Variants in DLGAP1 observed in about 807,000 individuals in gnomAD.
DLGAP1 encodes disks large-associated protein 1.
A neutral mutation model predicts 90.8 loss-of-function variants in DLGAP1; 11 were observed. The observed-to-expected ratio is 0.12, with a 90% CI of 0.08 to 0.20. The LOEUF (loss-of-function observed/expected upper bound fraction) is 0.20. Among genes scored for constraint, DLGAP1 ranks in the 10% least tolerant of loss-of-function variants. DLGAP1 has a pLI of 1.00. For missense variants in DLGAP1, 1,050 were observed against 1,333.8 expected (o/e 0.79, Z 3.31); for synonymous variants, 558 against 540.7 (o/e 1.03, Z -0.44).
chr18:4,322,475 A>C (rs2080715156), intron 1 of DLGAP1, among the ~76,000 whole-genome samples: 1 of 152,214 alleles, frequency 6.6e-6, no homozygotes, highest in Non-Finnish European at 1.5e-5. Flanking sequence ...CTTTATCACA[A>C]ACCATATATA....
chr18:3,924,964 T>C (rs67400798), intron 3 of DLGAP1, among the ~76,000 whole-genome samples: 9,745 of 152,242 alleles, frequency 0.064, 427 homozygotes, highest in Middle Eastern at 0.12. Flanking sequence ...TGTTGCATTT[T>C]TTTTTGGAGA....
At chr18:4,006,534 G>A (rs994631382) in intron 2 of DLGAP1, among the ~76,000 whole-genome samples, 45 of 152,112 alleles carry the variant, frequency 3.0e-4, no homozygotes, top group African/African-American at 1.1e-3. Flanking sequence ...AATTTTTGCA[G>A]TCACAGTTGG....
intron 1 of DLGAP1, among the ~76,000 whole-genome samples, chr18:4,213,020 C>T (rs2077879170): frequency 1.3e-5 from 2 of 152,074 alleles, no homozygotes; most frequent in South Asian, 4.2e-4. Context: ...CATATTAAAG[C>T]ATAATTATAG....
chr18:4,271,089 G>T (rs1296718183), intron 1 of DLGAP1, among the ~76,000 whole-genome samples: 2 of 152,084 alleles, frequency 1.3e-5, no homozygotes, highest in Non-Finnish European at 2.9e-5. Context: ...CTCTATAAAG[G>T]GGGAGTATTC....
intron 7 of DLGAP1, chr18:3,603,460 A>C (rs1240983756): frequency 6.6e-6 from 1 of 152,206 alleles, no homozygotes; most frequent in African/African-American, 2.4e-5. Context: ...CAGCCCGGCT[A>C]GACTCCCCTC....
intron 1 of DLGAP1, among the ~76,000 whole-genome samples, chr18:4,201,253 G>A (rs1607971): frequency 0.61 from 93,273 of 151,958 alleles, 29,977 homozygotes; most frequent in African/African-American, 0.79. Context: ...TCCTCCAGAA[G>A]TTTTTATGAT....
At chr18:3,882,626 G>A (rs112453495) in intron 3 of DLGAP1, among the ~76,000 whole-genome samples, 1 of 151,888 alleles carries the variant, frequency 6.6e-6, no homozygotes, top group Non-Finnish European at 1.5e-5. Context: ...AGACCTAATA[G>A]CTCAGCCTCA....
At chr18:3,577,594 A>T (rs2055232707) in intron 8 of DLGAP1, among the ~76,000 whole-genome samples, 2 of 152,202 alleles carry the variant, frequency 1.3e-5, no homozygotes, top group African/African-American at 2.4e-5. Flanking sequence ...TCAATGCATG[A>T]AAAAGAGGAG....
At chr18:3,652,369 C>T (rs1356610980) in intron 7 of DLGAP1, among the ~76,000 whole-genome samples, 2 of 152,030 alleles carry the variant, frequency 1.3e-5, no homozygotes, top group Non-Finnish European at 2.9e-5. Flanking sequence ...GCTCTGTTGA[C>T]CAGGCTGGAG....
intron 1 of DLGAP1, among the ~76,000 whole-genome samples, chr18:4,307,709 CTTTTTTTTTTTTT>C (rs34193366): frequency 9.3e-5 from 10 of 107,178 alleles, no homozygotes; most frequent in South Asian, 3.3e-4. Flanking sequence ...TGAGGGTTTA[CTTTTTTTTTTTTT>C]TTTTTTTTTT....
chr18:3,864,245 C>T (rs181474958), intron 4 of DLGAP1, among the ~76,000 whole-genome samples: 1 of 152,214 alleles, frequency 6.6e-6, no homozygotes, highest in East Asian at 1.9e-4. Context: ...TGGGTTGAAG[C>T]GAAGAAATGC....
intron 1 of DLGAP1, among the ~76,000 whole-genome samples, chr18:4,197,188 T>TAAAAAAAAAAAAAAAAAAAA (rs532844849): frequency 1.4e-4 from 10 of 73,618 alleles, no homozygotes; most frequent in Non-Finnish European, 1.8e-4. Flanking sequence ...TAAAAAAAAG[T>TAAAAAAAAAAAAAAAAAAAA]AAAAAAAAAA....
chr18:4,255,918 C>A (rs1029499573), intron 1 of DLGAP1, among the ~76,000 whole-genome samples: 3 of 152,014 alleles, frequency 2.0e-5, no homozygotes, highest in Non-Finnish European at 2.9e-5. Flanking sequence ...TATTTGGTTT[C>A]TTTAGTGAGA....
At chr18:3,734,460 CT>C (rs111917190) in intron 6 of DLGAP1, among the ~76,000 whole-genome samples, 7,896 of 150,916 alleles carry the variant, frequency 0.052, 650 homozygotes, top group African/African-American at 0.18. Context: ...TTTCTAGTTC[CT>C]TTTTTTTTAG....
intron 1 of DLGAP1, among the ~76,000 whole-genome samples, chr18:4,289,918 A>G (rs866769108): frequency 2.0e-5 from 3 of 152,266 alleles, no homozygotes; most frequent in Middle Eastern, 6.8e-3. Context: ...TATTAAGAGA[A>G]TTTTTCTGTC....
intron 2 of DLGAP1, among the ~76,000 whole-genome samples, chr18:4,137,008 T>C (rs576559917): frequency 5.9e-5 from 9 of 152,276 alleles, no homozygotes; most frequent in East Asian, 3.9e-4. Context: ...CATTAACTCG[T>C]CATTTAACAT....
At chr18:4,186,556 T>C (rs1384726375) in intron 1 of DLGAP1, among the ~76,000 whole-genome samples, 2 of 152,226 alleles carry the variant, frequency 1.3e-5, no homozygotes, top group Non-Finnish European at 2.9e-5. Flanking sequence ...TGTTTGTTTT[T>C]ATCATCTTTG....
rs550901518 is a variant in DLGAP1, at chr18:3,749,138, T to C, written c.1173-6626A>G. Among the ~76,000 whole-genome samples, 432 of 145,878 alleles carry C rather than the reference T, an allele frequency of 3.0e-3. 2 individuals carry two copies. The highest frequency in any genetic ancestry group is 9.7e-3 in the African/African-American group (375 of 38,578). ...TCCTCCTCCTCTTCCTCCTCCTCCT[T>C]CTTCTTCTTCTTTTTTTTTTTTTTT... On this transcript the variant is annotated intron_variant, in intron 5 of 12. Coordinates refer to ENST00000315677, the MANE Select transcript of DLGAP1 (RefSeq NM_004746.4).
intron 1 of DLGAP1, among the ~76,000 whole-genome samples, chr18:4,189,363 A>G (rs1263449895): frequency 6.6e-6 from 1 of 152,180 alleles, no homozygotes; most frequent in South Asian, 2.1e-4. Flanking sequence ...GCTTAAAAGT[A>G]TAAGTCTTAA....
Sources: allele counts gnomAD v4.1 joint callset (sites outside exome capture counted in the v4.1 genomes callset), GRCh38; gene constraint gnomAD v4.1.1; transcripts MANE v1.5; gene names NCBI Gene and HGNC (gene_info 2026-07-23, HGNC 2026-07-21).